DPP10: variants seen among roughly 807,000 people sequenced by gnomAD.
DPP10 encodes dipeptidyl peptidase like 10, also known as inactive dipeptidyl peptidase 10.
In DPP10, 33 loss-of-function variants were observed where a neutral mutation model predicts 120.9. The ratio of observed to expected loss-of-function variants is 0.27; its 90% CI spans 0.21 to 0.37. DPP10 has a LOEUF of 0.37. Among genes scored for constraint, DPP10 ranks in the 10% least tolerant of loss-of-function variants. The pLI is 1.00. For missense variants in DPP10, 816 were observed against 942.8 expected, an observed-to-expected ratio of 0.87 and a Z score of 1.76; for synonymous variants, 337 against 326.1, an observed-to-expected ratio of 1.03 and a Z score of -0.36.
intron 1 of DPP10, among the ~76,000 whole-genome samples, chr2:115,164,518 A>G (rs1318570452): frequency 6.6e-6 from 1 of 152,186 alleles, no homozygotes; most frequent in Non-Finnish European, 1.5e-5. Flanking sequence ...AATAGGGCAC[A>G]TGTTCCAACA....
At chr2:115,288,352 T>A (rs981767506) in intron 1 of DPP10, among the ~76,000 whole-genome samples, 1 of 152,130 alleles carries the variant, frequency 6.6e-6, no homozygotes, top group Non-Finnish European at 1.5e-5. Flanking sequence ...TCTGTTCATA[T>A]GATTATCTCA....
At chr2:114,843,272 A>T (rs577606213) in intron 1 of DPP10, among the ~76,000 whole-genome samples, 2 of 152,226 alleles carry the variant, frequency 1.3e-5, no homozygotes, top group East Asian at 3.9e-4. Context: ...AGTTCATAGG[A>T]CTTCTAAACA....
chr2:114,464,552 C>A (rs1289567109), intron 1 of DPP10, among the ~76,000 whole-genome samples: 2 of 152,122 alleles, frequency 1.3e-5, no homozygotes, highest in African/African-American at 2.4e-5. Context: ...TGTGGCTTAT[C>A]TTTTCATTTT....
At chr2:114,523,736 A>T (rs897629938) in intron 1 of DPP10, among the ~76,000 whole-genome samples, 1 of 152,138 alleles carries the variant, frequency 6.6e-6, no homozygotes, top group African/African-American at 2.4e-5. Context: ...GAGTCTCAAC[A>T]ATCTCAGAGG....
intron 3 of DPP10, among the ~76,000 whole-genome samples, chr2:115,405,789 G>A (rs2068463981): frequency 6.6e-6 from 1 of 152,208 alleles, no homozygotes; most frequent in Middle Eastern, 3.2e-3. Flanking sequence ...GGCTGGAACA[G>A]CCAGAGCAGC....
At position 114,632,326 on chromosome 2, in the gene DPP10, G is replaced by C. The variant is rs374922546; in HGVS notation, c.60+189488G>C. Among the ~76,000 whole-genome samples the C allele has an allele frequency of 6.6e-5, 10 of 151,914 alleles. No homozygotes were observed. The East Asian group carries it at 1.5e-3, about 23-fold the overall frequency. On this transcript the variant is annotated intron_variant, in intron 1 of 25. Coordinates refer to ENST00000410059, the MANE Select transcript of DPP10 (RefSeq NM_020868.6). ...AACCATTTCTCAACTAATGGTTTTA[G>C]CACTCATTAATGATACATTCTTAAT...
intron 1 of DPP10, chr2:115,066,894 A>G (rs1254179579): frequency 1.3e-5 from 2 of 152,204 alleles, no homozygotes; most frequent in Non-Finnish European, 2.9e-5. Flanking sequence ...CCATCACCTC[A>G]CAGGTTTACA....
intron 1 of DPP10, among the ~76,000 whole-genome samples, chr2:115,287,568 C>G (rs148184543): frequency 0.011 from 1,727 of 152,180 alleles, 35 homozygotes; most frequent in African/African-American, 0.04. Context: ...TCTTGAGTTA[C>G]TTCACTTAGG....
At chr2:115,406,719 A>T (rs1263237458) in intron 3 of DPP10, among the ~76,000 whole-genome samples, 1 of 152,186 alleles carries the variant, frequency 6.6e-6, no homozygotes, top group African/African-American at 2.4e-5. Flanking sequence ...AATTAAAAAA[A>T]GGTCAACACG....
At chr2:115,372,241 A>T (rs886858366) in intron 3 of DPP10, among the ~76,000 whole-genome samples, 1 of 152,170 alleles carries the variant, frequency 6.6e-6, no homozygotes, top group Non-Finnish European at 1.5e-5. Flanking sequence ...CTTCATAATG[A>T]AGTAAGAAAA....
rs117230702 is a variant in DPP10, at chr2:115,682,360, A to G, written c.442-7327A>G. ...TGTATTACAAACAGTGGCATTGTCAATGAGGCTGTTAGTTTACTCAAGAGT... is the reference window on the plus strand; with the variant it reads ...TGTATTACAAACAGTGGCATTGTCAGTGAGGCTGTTAGTTTACTCAAGAGT... On this transcript the variant is annotated intron_variant, in intron 5 of 25. Coordinates refer to ENST00000410059, the MANE Select transcript of DPP10 (RefSeq NM_020868.6). 4.1e-4 allele frequency among the ~76,000 whole-genome samples: 62 copies of G among 152,018 alleles called. No homozygotes were observed. In the East Asian group the frequency reaches 9.7e-3, roughly 24 times the overall value.
intron 1 of DPP10, among the ~76,000 whole-genome samples, chr2:115,012,061 A>G (rs1347298923): frequency 6.6e-6 from 1 of 151,768 alleles, no homozygotes; most frequent in Non-Finnish European, 1.5e-5. Flanking sequence ...AGGCAGCCAT[A>G]ATCACCCTCG....
chr2:114,639,224 G>A (rs937309259), intron 1 of DPP10, among the ~76,000 whole-genome samples: 1 of 151,886 alleles, frequency 6.6e-6, no homozygotes, highest in Non-Finnish European at 1.5e-5. Flanking sequence ...TGTCTTACAT[G>A]GCGGCAGGCA....
chr2:115,634,137 G>A (rs1195882739), intron 5 of DPP10, among the ~76,000 whole-genome samples: 4 of 151,918 alleles, frequency 2.6e-5, no homozygotes, highest in East Asian at 1.9e-4. Context: ...AGCTCCATCC[G>A]GTCATTTATG....
chr2:114,632,910 G>A (rs1407896138), intron 1 of DPP10, among the ~76,000 whole-genome samples: 1 of 152,052 alleles, frequency 6.6e-6, no homozygotes, highest in African/African-American at 2.4e-5. Context: ...TGTTCCTTCA[G>A]GCTGGCTCTT....
At chr2:115,654,935 G>C (rs944253232) in intron 5 of DPP10, among the ~76,000 whole-genome samples, 7 of 151,656 alleles carry the variant, frequency 4.6e-5, no homozygotes, top group Non-Finnish European at 1.0e-4. Flanking sequence ...CTTTTAGGTT[G>C]CATTTCTTCA....
intron 7 of DPP10, among the ~76,000 whole-genome samples, chr2:115,716,691 A>T (rs74553079): frequency 6.6e-6 from 1 of 151,854 alleles, no homozygotes; most frequent in Non-Finnish European, 1.5e-5. Context: ...GTAAAAAAAA[A>T]GTTGGATGTT....
At chr2:115,338,539 C>G (rs894037288) in intron 2 of DPP10, among the ~76,000 whole-genome samples, 1 of 152,074 alleles carries the variant, frequency 6.6e-6, no homozygotes, top group Non-Finnish European at 1.5e-5. Context: ...TCACTCTAAC[C>G]TTGAACTAAC....
intron 5 of DPP10, among the ~76,000 whole-genome samples, chr2:115,620,866 C>T (rs1371841553): frequency 6.6e-6 from 1 of 152,148 alleles, no homozygotes; most frequent in Non-Finnish European, 1.5e-5. Context: ...CCCATAGTTA[C>T]CCCAGGATGA....
Sources: allele counts gnomAD v4.1 joint callset (sites outside exome capture counted in the v4.1 genomes callset), GRCh38; gene constraint gnomAD v4.1.1; transcripts MANE v1.5; gene names NCBI Gene and HGNC (gene_info 2026-07-23, HGNC 2026-07-21).